The following SPICE1 variants were observed in gnomAD, a reference collection of about 807,000 sequenced individuals.
The protein encoded by SPICE1 is spindle and centriole associated protein 1.
SPICE1 carries 75 observed loss-of-function variants against 102.7 expected under a neutral mutation model. The ratio of observed to expected loss-of-function variants is 0.73; its 90% CI spans 0.61 to 0.88. The LOEUF is 0.88. Among genes scored for constraint, SPICE1 ranks in the 40% least tolerant of loss-of-function variants. The probability of loss-of-function intolerance (pLI) is 0.00; values close to 1 mark genes in which losing one functional copy is unlikely to be tolerated. For missense variants in SPICE1, 979 were observed against 1,020.1 expected, an observed-to-expected ratio of 0.96 and a Z score of 0.55; for synonymous variants, 308 against 350.3, an observed-to-expected ratio of 0.88 and a Z score of 1.35.
At chr3:113,458,471 C>G (rs1462200121) in intron 12 of SPICE1, among the ~76,000 whole-genome samples, 1 of 152,214 alleles carries the variant, frequency 6.6e-6, no homozygotes, top group Non-Finnish European at 1.5e-5. Context: ...GCCTTGGCCT[C>G]CCGAGGTGCC....
At chr3:113,492,622 TACTATGTTCCTGGTATTATACCAGG>T (rs1365109446) in intron 6 of SPICE1, among the ~76,000 whole-genome samples, 1 of 152,158 alleles carries the variant, frequency 6.6e-6, no homozygotes, top group African/African-American at 2.4e-5. Context: ...ATTTACAAAG[TACTATGTTCCTGGTATTATACCAGG>T]AATTTTACAT....
rs530481931 is a variant in SPICE1, at chr3:113,460,268, T to C, written c.1435+349A>G. The C allele has an allele frequency of 1.0e-5, 10 of 977,426 alleles. No individual in the cohort carries two copies. The African/African-American group carries it at 1.7e-4, about 17-fold the overall frequency. The allele number at this position is 977,426 out of a possible 1,614,324, so 60.5% of individuals were successfully genotyped here. ...TTAAAAGTGCTAGCACTCTCTTTGGTCTAGGTGTCCAGTTCTGCTACTTTC... is the reference window on the plus strand; with the variant it reads ...TTAAAAGTGCTAGCACTCTCTTTGGCCTAGGTGTCCAGTTCTGCTACTTTC... On this transcript the variant is annotated intron_variant, in intron 12 of 17. Transcript: ENST00000295872.
Position 113,499,595 on chromosome 3 carries a change from G to A in SPICE1, c.148-13C>T, listed in dbSNP as rs374310620. On this transcript the variant is annotated splice_polypyrimidine_tract_variant and intron_variant, in intron 3 of 17. Coordinates refer to ENST00000295872, the MANE Select transcript of SPICE1 (RefSeq NM_144718.4). ...CATGACGGCGTACCTATACAGAAGA[G>A]AAAAGTACATAAAGGAATGTTTCAG... 7.6e-6 allele frequency: 12 copies of A among 1,579,144 alleles called. No homozygotes were observed. The African/African-American group carries it at 1.5e-4, about 20-fold the overall frequency.
intron 2 of SPICE1, among the ~76,000 whole-genome samples, chr3:113,505,199 G>GA (rs927523428): frequency 6.6e-6 from 1 of 151,738 alleles, no homozygotes; most frequent in African/African-American, 2.4e-5. Flanking sequence ...TGTATTTATT[G>GA]AAAAAAAATT....
intron 7 of SPICE1, among the ~76,000 whole-genome samples, chr3:113,473,995 T>C (rs557529938): frequency 1.3e-4 from 19 of 151,958 alleles, no homozygotes; most frequent in East Asian, 5.8e-4. Context: ...GACTGGAAAA[T>C]TGGATAAAGA....
At position 113,499,561 on chromosome 3, in the gene SPICE1, T is replaced by C. The variant is rs1936968281; in HGVS notation, c.169A>G (p.Lys57Glu). The C allele has an allele frequency of 1.9e-6, 3 of 1,611,146 alleles. No homozygotes were observed. The highest frequency in any genetic ancestry group is 2.2e-5 in the South Asian group (2 of 90,682). Residue 57 changes from lysine to glutamate, a missense_variant, in exon 4 of 18, where the codon AAA becomes GAA. Coordinates refer to ENST00000295872, the MANE Select transcript of SPICE1 (RefSeq NM_144718.4). ...TGTACTAATGCTCTATTCTTCGATT[T>C]GTGTATTTCATGACGGCGTACCTAT... is the stretch of plus-strand genomic sequence containing the variant. Reference protein sequence around the residue: ...EDLVRRHEIHKSKNRALVHWE... With the variant: ...EDLVRRHEIHESKNRALVHWE...
intron 7 of SPICE1, among the ~76,000 whole-genome samples, chr3:113,486,440 T>C (rs1691971929): frequency 6.7e-6 from 1 of 149,978 alleles, no homozygotes; most frequent in South Asian, 2.1e-4. Context: ...ATCAACAAAA[T>C]AGACTGGTAG....
intron 1 of SPICE1, among the ~76,000 whole-genome samples, chr3:113,512,945 A>G (rs1446301359): frequency 6.6e-6 from 1 of 152,216 alleles, no homozygotes; most frequent in Admixed American, 6.5e-5. Flanking sequence ...CTAAGATATT[A>G]GTAAACAAGT....
chr3:113,452,977 C>CA (rs1428985172), intron 14 of SPICE1, among the ~76,000 whole-genome samples: 3 of 151,096 alleles, frequency 2.0e-5, no homozygotes, highest in African/African-American at 7.3e-5. Context: ...GACTCCGTCT[C>CA]AAAAAAAACA....
Position 113,499,381 on chromosome 3 carries a change from CAAAG to C in SPICE1, c.291+54_291+57del, listed in dbSNP as rs779330264. 6 of 1,540,922 alleles carry C rather than the reference CAAAG, an allele frequency of 3.9e-6. No homozygotes were observed. In the African/African-American group the frequency reaches 8.3e-5, roughly 21 times the overall value. ...CAACGTGAATCAAATTGAAGAAAAA[CAAAG>C]AACCCTATTTATCTCCTTTTTTTCT... is the stretch of plus-strand genomic sequence containing the variant. On this transcript the variant is annotated intron_variant, in intron 4 of 17. Coordinates refer to ENST00000295872, the MANE Select transcript of SPICE1 (RefSeq NM_144718.4).
At chr3:113,483,780 A>C (rs1466130339) in intron 7 of SPICE1, among the ~76,000 whole-genome samples, 2 of 152,208 alleles carry the variant, frequency 1.3e-5, no homozygotes, top group African/African-American at 4.8e-5. Flanking sequence ...TCCATTTGCC[A>C]GTATTTTATT....
intron 11 of SPICE1, among the ~76,000 whole-genome samples, chr3:113,461,316 T>A (rs534405925): frequency 6.6e-6 from 1 of 151,612 alleles, no homozygotes; most frequent in Non-Finnish European, 1.5e-5. Flanking sequence ...TTTGTCTATA[T>A]GTGTGTGTGT....
intron 12 of SPICE1, among the ~76,000 whole-genome samples, chr3:113,458,266 G>C (rs900974986): frequency 6.6e-6 from 1 of 151,914 alleles, no homozygotes; most frequent in Admixed American, 6.5e-5. Context: ...ATGCCCAGCC[G>C]AGGCTGGACT....
Position 113,488,173 on chromosome 3 carries a change from T to A in SPICE1, c.611+772A>T, listed in dbSNP as rs570323691. Among the ~76,000 whole-genome samples, 306 of 152,342 alleles carry A rather than the reference T, an allele frequency of 2.0e-3. 3 individuals carry two copies. The South Asian group carries it at 0.023, about 11-fold the overall frequency. On this transcript the variant is annotated intron_variant, in intron 7 of 17. Coordinates refer to ENST00000295872, the MANE Select transcript of SPICE1 (RefSeq NM_144718.4). ...GGATTAGATAATAGTGTTAAATCAA[T>A]GTAATTTCCTGATTGTGATCATTGT... is the stretch of plus-strand genomic sequence containing the variant.
intron 11 of SPICE1, among the ~76,000 whole-genome samples, chr3:113,463,002 C>A (rs1007780078): frequency 6.6e-6 from 1 of 152,140 alleles, no homozygotes; most frequent in Non-Finnish European, 1.5e-5. Flanking sequence ...TCCTTGATGA[C>A]TCTAAGCTCA....
intron 3 of SPICE1, among the ~76,000 whole-genome samples, chr3:113,499,875 A>G (rs1282696631): frequency 1.3e-5 from 2 of 152,242 alleles, no homozygotes; most frequent in African/African-American, 2.4e-5. Context: ...TTTTCAAACC[A>G]CAGGTTGGGA....
rs567436525 is a variant in SPICE1, at chr3:113,488,913, G to A, written c.611+32C>T. 7 of 1,342,690 alleles carry A rather than the reference G, an allele frequency of 5.2e-6. 1 individual carries two copies. In the Admixed American group the frequency reaches 1.2e-4, roughly 24 times the overall value. The allele number at this position is 1,342,690 out of a possible 1,614,324, so 83.2% of individuals were successfully genotyped here. A position where few individuals can be genotyped will look rare whatever the true frequency, so the allele number is the denominator to read the frequency against. ...TGAAATGGCCATGGAAAAAACCTGAGAGTTGTAAATATTTATGCCATATAC... is the reference window on the plus strand; with the variant it reads ...TGAAATGGCCATGGAAAAAACCTGAAAGTTGTAAATATTTATGCCATATAC... On this transcript the variant is annotated intron_variant, in intron 7 of 17. Coordinates refer to ENST00000295872, the MANE Select transcript of SPICE1 (RefSeq NM_144718.4).
At position 113,443,560 on chromosome 3, in the gene SPICE1, C is replaced by T. The variant is rs1935439894; in HGVS notation, c.*1747G>A. On this transcript the variant is annotated 3_prime_UTR_variant, in exon 18 of 18. Transcript: ENST00000295872. ...TTCAAATGAGATAATGGTGATACCA[C>T]AGCTTATAGTACGGTGTCTGCCACA... 2 of 152,200 alleles carry T rather than the reference C, an allele frequency of 1.3e-5. No individual in the cohort carries two copies. The highest frequency in any genetic ancestry group is 1.3e-4 in the Admixed American group (2 of 15,286). The allele number at this position is 152,200 out of a possible 1,614,324, so 9.4% of individuals were successfully genotyped here.
intron 3 of SPICE1, among the ~76,000 whole-genome samples, chr3:113,499,944 T>C (rs1936976373): frequency 6.6e-6 from 1 of 152,066 alleles, no homozygotes; most frequent in Non-Finnish European, 1.5e-5. Flanking sequence ...TTTTTTAACA[T>C]ACACATACAC....
Sources: allele counts gnomAD v4.1 joint callset (sites outside exome capture counted in the v4.1 genomes callset), GRCh38; gene constraint gnomAD v4.1.1; transcripts MANE v1.5; gene names NCBI Gene and HGNC (gene_info 2026-07-23, HGNC 2026-07-21).